The following HDAC9 variants were observed in gnomAD, a reference collection of about 807,000 sequenced individuals.
HDAC9 encodes the protein histone deacetylase 9.
Under a neutral mutation model 139.4 loss-of-function variants are expected in HDAC9, and 41 were observed. That is an observed-to-expected ratio of 0.29 (90% CI 0.23 to 0.38). The LOEUF (loss-of-function observed/expected upper bound fraction) is 0.38. Ranked by LOEUF, HDAC9 falls within the 10% of genes least tolerant of loss-of-function variation. The pLI is 1.00. For missense variants in HDAC9, 1,147 were observed against 1,297.0 expected, an observed-to-expected ratio of 0.88 and a Z score of 1.78; for synonymous variants, 517 against 476.2, an observed-to-expected ratio of 1.09 and a Z score of -1.12.
chr7:18,551,874 C>T (rs535247021), intron 2 of HDAC9, among the ~76,000 whole-genome samples: 1 of 152,172 alleles, frequency 6.6e-6, no homozygotes, highest in Admixed American at 6.5e-5. Flanking sequence ...GTAACCACTA[C>T]ACTTATTCTA....
intron 22 of HDAC9, among the ~76,000 whole-genome samples, chr7:18,922,083 T>TGGGGGG (rs527469781): frequency 6.6e-5 from 5 of 76,282 alleles, no homozygotes; most frequent in African/African-American, 1.2e-4. Flanking sequence ...TGTTGTGGGG[T>TGGGGGG]GGGGGGAGGG....
chr7:18,716,990 CTTTTTTT>C (rs528916567), intron 12 of HDAC9, among the ~76,000 whole-genome samples: 3 of 115,152 alleles, frequency 2.6e-5, no homozygotes, highest in Non-Finnish European at 5.3e-5. Flanking sequence ...CTCGTTAGCA[CTTTTTTT>C]TTTTTTTTTT....
intron 1 of HDAC9, among the ~76,000 whole-genome samples, chr7:18,469,279 C>T (rs906870696): frequency 6.6e-6 from 1 of 152,154 alleles, no homozygotes; most frequent in African/African-American, 2.4e-5. Context: ...TATTCTGCTA[C>T]TTTCCCTTTG....
chr7:18,982,783 G>C (rs2129342844), intron 25 of HDAC9, among the ~76,000 whole-genome samples: 1 of 152,158 alleles, frequency 6.6e-6, no homozygotes, highest in East Asian at 1.9e-4. Context: ...GCATGTTTTT[G>C]AGATCTATTT....
At chr7:18,743,536 G>C (rs1206510246) in intron 13 of HDAC9, among the ~76,000 whole-genome samples, 1 of 150,768 alleles carries the variant, frequency 6.6e-6, no homozygotes, top group Admixed American at 6.6e-5. Context: ...CTGTGTTCTT[G>C]TTAAAAAATG....
At chr7:18,659,873 G>T (rs1792577764) in intron 11 of HDAC9, among the ~76,000 whole-genome samples, 1 of 152,106 alleles carries the variant, frequency 6.6e-6, no homozygotes, top group Non-Finnish European at 1.5e-5. Context: ...GCTCGACTTT[G>T]CTAGGGGATC....
At chr7:18,314,234 G>C (rs1336890204) in intron 1 of HDAC9, among the ~76,000 whole-genome samples, 2 of 152,162 alleles carry the variant, frequency 1.3e-5, no homozygotes, top group African/African-American at 4.8e-5. Context: ...TCTAGAGATA[G>C]TAATAAGCCT....
At chr7:18,335,154 GC>G (rs1399604112) in intron 1 of HDAC9, among the ~76,000 whole-genome samples, 2 of 151,418 alleles carry the variant, frequency 1.3e-5, no homozygotes, top group African/African-American at 4.8e-5. Context: ...CTTCCCACCT[GC>G]CCACCATCTT....
At chr7:18,917,934 C>G (rs1803355637) in intron 22 of HDAC9, among the ~76,000 whole-genome samples, 1 of 151,938 alleles carries the variant, frequency 6.6e-6, no homozygotes, top group African/African-American at 2.4e-5. Context: ...AGTTTAAGCT[C>G]ATTTGTCATT....
intron 1 of HDAC9, among the ~76,000 whole-genome samples, chr7:18,455,101 A>G (rs527533346): frequency 2.9e-4 from 44 of 152,166 alleles, no homozygotes; most frequent in African/African-American, 9.6e-4. Context: ...TTAAAGCCCA[A>G]TATTTGGATA....
intron 1 of HDAC9, among the ~76,000 whole-genome samples, chr7:18,478,855 G>C (rs543197478): frequency 6.6e-6 from 1 of 152,036 alleles, no homozygotes; most frequent in Non-Finnish European, 1.5e-5. Flanking sequence ...TCTCATTTTG[G>C]CTTAATTTTC....
intron 1 of HDAC9, among the ~76,000 whole-genome samples, chr7:18,431,071 A>G (rs1235444550): frequency 7.0e-6 from 1 of 143,708 alleles, no homozygotes; most frequent in Non-Finnish European, 1.5e-5. Flanking sequence ...TGTCCAGTCC[A>G]GTCCTGTCCC....
At chr7:18,884,596 G>C (rs969264587) in intron 22 of HDAC9, among the ~76,000 whole-genome samples, 2 of 152,132 alleles carry the variant, frequency 1.3e-5, no homozygotes, top group Non-Finnish European at 2.9e-5. Context: ...AACATTAATA[G>C]AAGAAAACAT....
At chr7:18,502,207 A>G (rs530408131) in intron 2 of HDAC9, 1 of 152,340 alleles carries the variant, frequency 6.6e-6, no homozygotes, top group African/African-American at 2.4e-5. Context: ...TATGCACGAC[A>G]AACTCCAGAG....
intron 7 of HDAC9, among the ~76,000 whole-genome samples, chr7:18,633,720 G>T (rs138923216): frequency 1.3e-5 from 2 of 152,160 alleles, no homozygotes; most frequent in African/African-American, 4.8e-5. Context: ...AATGAGTGAA[G>T]TGTAGAAGGT....
At chr7:18,090,890 T>C (rs1368836534) in intron 1 of HDAC9, among the ~76,000 whole-genome samples, 2 of 152,228 alleles carry the variant, frequency 1.3e-5, no homozygotes, top group Non-Finnish European at 2.9e-5. Flanking sequence ...TTGTTCTTTT[T>C]CTTCATCTCA....
At chr7:18,193,043 A>G (rs895686094) in intron 2 of HDAC9, among the ~76,000 whole-genome samples, 3 of 152,156 alleles carry the variant, frequency 2.0e-5, no homozygotes, top group Admixed American at 6.5e-5. Flanking sequence ...TTAATTACCT[A>G]TGCATCTTTT....
intron 13 of HDAC9, among the ~76,000 whole-genome samples, chr7:18,737,412 C>G (rs967091525): frequency 2.0e-5 from 3 of 152,132 alleles, no homozygotes; most frequent in African/African-American, 7.2e-5. Flanking sequence ...TAAATGTGTC[C>G]CAGAGATTCT....
At chr7:18,885,193 C>T (rs1337206666) in intron 22 of HDAC9, among the ~76,000 whole-genome samples, 2 of 150,614 alleles carry the variant, frequency 1.3e-5, no homozygotes, top group Non-Finnish European at 3.0e-5. Context: ...CAGCAGAAAA[C>T]ATCATAATTC....
Sources: allele counts gnomAD v4.1 joint callset (sites outside exome capture counted in the v4.1 genomes callset), GRCh38; gene constraint gnomAD v4.1.1; transcripts MANE v1.5; gene names NCBI Gene and HGNC (gene_info 2026-07-23, HGNC 2026-07-21).